The following GLIS3 variants were observed in gnomAD, a reference collection of about 807,000 sequenced individuals.
GLIS3 encodes GLIS family zinc finger 3.
In GLIS3, 53 loss-of-function variants were observed where a neutral mutation model predicts 78.6. The ratio of observed to expected loss-of-function variants is 0.67; its 90% CI spans 0.54 to 0.85. The LOEUF (loss-of-function observed/expected upper bound fraction) is 0.85. Ranked by LOEUF, GLIS3 falls within the 40% of genes least tolerant of loss-of-function variation. GLIS3 has a pLI of 0.00. For missense variants in GLIS3, 1,703 were observed against 1,231.1 expected (o/e 1.38, Z -5.74); for synonymous variants, 684 against 509.9 (o/e 1.34, Z -4.60).
the GLIS3 span, among the ~76,000 whole-genome samples, chr9:4,420,120 G>A: frequency 3.9e-5 from 6 of 152,088 alleles, no homozygotes; most frequent in Admixed American, 6.5e-5. Context: ...AGGCATGTGT[G>A]GTTCAAAAAA....
chr9:4,081,466 C>G (rs1409798671), intron 4 of GLIS3: 1 of 152,200 alleles, frequency 6.6e-6, no homozygotes, highest in Non-Finnish European at 1.5e-5. Context: ...TGTCAGTCCT[C>G]TCATGAGGAA....
intron 7 of GLIS3, among the ~76,000 whole-genome samples, chr9:3,894,106 C>T (rs1039727023): frequency 6.6e-6 from 1 of 152,204 alleles, no homozygotes; most frequent in Non-Finnish European, 1.5e-5. Context: ...TTTTGTGCCC[C>T]CAAGTTTCCA....
the GLIS3 span, among the ~76,000 whole-genome samples, chr9:4,375,674 T>C: frequency 6.6e-6 from 1 of 152,222 alleles, no homozygotes; most frequent in Non-Finnish European, 1.5e-5. Flanking sequence ...TCATAAAACA[T>C]GCTCATCATT....
chr9:4,474,020 C>A, the GLIS3 span, among the ~76,000 whole-genome samples: 1 of 131,582 alleles, frequency 7.6e-6, no homozygotes, highest in Admixed American at 7.5e-5. Context: ...GTCAGTTCCC[C>A]CCTAAAGCTA....
intron 2 of GLIS3, among the ~76,000 whole-genome samples, chr9:4,215,327 ATGTGTG>A (rs34915075): frequency 0.23 from 34,477 of 150,020 alleles, 4,808 homozygotes; most frequent in South Asian, 0.47. Context: ...GTGTGTGCAT[ATGTGTG>A]TGTGTGTGTG....
chr9:4,179,059 C>T (rs1003731962), intron 2 of GLIS3, among the ~76,000 whole-genome samples: 1 of 152,174 alleles, frequency 6.6e-6, no homozygotes, highest in Non-Finnish European at 1.5e-5. Flanking sequence ...AAAAGTCACA[C>T]TTCAGCCTGA....
chr9:3,869,858 A>C (rs1168296098), intron 8 of GLIS3, among the ~76,000 whole-genome samples: 1 of 152,228 alleles, frequency 6.6e-6, no homozygotes, highest in African/African-American at 2.4e-5. Context: ...TACATGAAAC[A>C]GATGATAAGA....
chr9:3,943,249 G>T (rs1166392456), intron 4 of GLIS3, among the ~76,000 whole-genome samples: 1 of 152,172 alleles, frequency 6.6e-6, no homozygotes, highest in Non-Finnish European at 1.5e-5. Context: ...GGGAGAAAAA[G>T]AAAATCATTC....
intron 2 of GLIS3, among the ~76,000 whole-genome samples, chr9:4,247,568 G>A (rs1166685401): frequency 1.3e-5 from 2 of 152,152 alleles, no homozygotes; most frequent in East Asian, 3.9e-4. Context: ...TCCTGTACCA[G>A]AAATGTCCTA....
At chr9:4,107,715 A>G (rs1329084979) in intron 4 of GLIS3, among the ~76,000 whole-genome samples, 5 of 151,946 alleles carry the variant, frequency 3.3e-5, no homozygotes, top group African/African-American at 1.2e-4. Flanking sequence ...CAATGGAAAA[A>G]TTAATTTGTT....
At chr9:4,422,673 A>G in the GLIS3 span, among the ~76,000 whole-genome samples, 1 of 152,248 alleles carries the variant, frequency 6.6e-6, no homozygotes, top group Non-Finnish European at 1.5e-5. Context: ...ACATGAGGAA[A>G]TACAAATCTC....
At chr9:4,362,463 C>G in the GLIS3 span, among the ~76,000 whole-genome samples, 1 of 152,194 alleles carries the variant, frequency 6.6e-6, no homozygotes, top group Non-Finnish European at 1.5e-5. Flanking sequence ...TAGTTGATGA[C>G]CACACGCTTT....
the GLIS3 span, among the ~76,000 whole-genome samples, chr9:4,406,237 G>A: frequency 1.6e-4 from 24 of 152,012 alleles, no homozygotes; most frequent in African/African-American, 5.3e-4. Flanking sequence ...AATCAGATAA[G>A]AGAAAGAAAA....
the GLIS3 span, among the ~76,000 whole-genome samples, chr9:4,402,545 A>G: frequency 6.6e-6 from 1 of 152,226 alleles, no homozygotes; most frequent in Non-Finnish European, 1.5e-5. Flanking sequence ...CAAAACACCT[A>G]TTTTGAGGAA....
At chr9:4,347,023 T>G (rs913768097) in intron 2 of GLIS3, 24 of 152,198 alleles carry the variant, frequency 1.6e-4, no homozygotes, top group Non-Finnish European at 2.9e-5. Flanking sequence ...TTTGTATTGC[T>G]ATAAAGAAAT....
intron 7 of GLIS3, among the ~76,000 whole-genome samples, chr9:3,880,603 TAAATC>T: frequency 6.6e-6 from 1 of 152,314 alleles, no homozygotes; most frequent in Non-Finnish European, 1.5e-5. Flanking sequence ...TTTAAAAAAA[TAAATC>T]AGGTTCAGGA....
intron 6 of GLIS3, among the ~76,000 whole-genome samples, chr9:3,927,921 A>T (rs1173222560): frequency 1.3e-5 from 2 of 152,220 alleles, no homozygotes; most frequent in Admixed American, 1.3e-4. Context: ...AATTAGCATA[A>T]AAATTTCTAA....
rs1337586507 is a variant in GLIS3, at chr9:4,088,339, G to T, written c.1710+29429C>A. On this transcript the variant is annotated intron_variant, in intron 4 of 10. Coordinates refer to ENST00000381971, the MANE Select transcript of GLIS3 (RefSeq NM_001042413.2). The stretch of plus-strand genomic sequence containing the variant: ...TCCTTGGCATAAAACATATGCTTAG[G>T]CTAATAATTATTTGGTGAATCCAAT... Among the ~76,000 whole-genome samples the T allele has an allele frequency of 2.0e-5, 3 of 152,310 alleles. No homozygotes were observed. The East Asian group carries it at 5.8e-4, about 29-fold the overall frequency.
chr9:4,155,899 C>G (rs1385592715), intron 2 of GLIS3, among the ~76,000 whole-genome samples: 1 of 152,208 alleles, frequency 6.6e-6, no homozygotes, highest in Non-Finnish European at 1.5e-5. Flanking sequence ...AACCACTGCT[C>G]AAGATCATAG....
Sources: gnomAD v4.1 joint callset for allele counts (sites outside exome capture counted in the v4.1 genomes callset) on GRCh38, gnomAD v4.1.1 for gene constraint, MANE v1.5 for transcripts, NCBI Gene and HGNC (gene_info 2026-07-23, HGNC 2026-07-21) for gene names.